Variants in SLC2A13 observed in about 807,000 individuals in gnomAD.
The protein encoded by SLC2A13 is proton myo-inositol cotransporter.
SLC2A13 carries 32 observed loss-of-function variants against 64.4 expected under a neutral mutation model. The ratio of observed to expected loss-of-function variants is 0.50; its 90% CI spans 0.37 to 0.67. SLC2A13 has a LOEUF of 0.67. SLC2A13 is among the 30% of genes least tolerant of loss of function. The probability of loss-of-function intolerance (pLI) is 0.00; values close to 1 mark genes in which losing one functional copy is unlikely to be tolerated. For synonymous variants in SLC2A13, 338 were observed against 327.1 expected (o/e 1.03, Z -0.36); for missense variants, 743 against 829.2 (o/e 0.90, Z 1.28).
chr12:39,862,340 AT>A (rs1943785335), intron 6 of SLC2A13, among the ~76,000 whole-genome samples: 1 of 152,162 alleles, frequency 6.6e-6, no homozygotes, highest in Admixed American at 6.5e-5. Context: ...TTCTTTAACC[AT>A]TTACTTTCTT....
chr12:39,812,384 TTCTTTC>T (rs1566819098), intron 7 of SLC2A13, among the ~76,000 whole-genome samples: 4 of 124,346 alleles, frequency 3.2e-5, no homozygotes, highest in Admixed American at 7.7e-5. Context: ...TTTCTTTTCT[TTCTTTC>T]TCTCTCTCTT....
At chr12:39,828,009 C>T (rs537096235) in intron 7 of SLC2A13, among the ~76,000 whole-genome samples, 14 of 152,160 alleles carry the variant, frequency 9.2e-5, no homozygotes, top group African/African-American at 3.4e-4. Flanking sequence ...TGACTTTGCC[C>T]TTAGAGTTCC....
chr12:39,809,431 G>A (rs1942077463), intron 7 of SLC2A13, among the ~76,000 whole-genome samples: 1 of 152,058 alleles, frequency 6.6e-6, no homozygotes, highest in Non-Finnish European at 1.5e-5. Context: ...ATTTTTTATA[G>A]AACTGTTTAT....
At chr12:40,084,798 T>A (rs1476431999) in intron 1 of SLC2A13, among the ~76,000 whole-genome samples, 2 of 152,226 alleles carry the variant, frequency 1.3e-5, no homozygotes, top group African/African-American at 4.8e-5. Flanking sequence ...TTTCATGGCA[T>A]ACAACTCCTA....
chr12:39,936,900 G>A (rs1945926997), intron 4 of SLC2A13, among the ~76,000 whole-genome samples: 1 of 152,140 alleles, frequency 6.6e-6, no homozygotes, highest in Admixed American at 6.5e-5. Flanking sequence ...TGGCAGAGGA[G>A]TTCTGACCTG....
intron 3 of SLC2A13, among the ~76,000 whole-genome samples, chr12:40,017,368 G>C (rs1947637366): frequency 6.6e-6 from 1 of 152,154 alleles, no homozygotes; most frequent in Non-Finnish European, 1.5e-5. Flanking sequence ...TCCAATATAA[G>C]ATTACTTCCA....
chr12:39,899,559 T>C (rs2136011842), intron 4 of SLC2A13, among the ~76,000 whole-genome samples: 1 of 152,300 alleles, frequency 6.6e-6, no homozygotes. Flanking sequence ...TCTAGTTCTT[T>C]CAATTGTGAT....
intron 6 of SLC2A13, among the ~76,000 whole-genome samples, chr12:39,856,858 A>G (rs1943622302): frequency 6.6e-6 from 1 of 152,216 alleles, no homozygotes; most frequent in Non-Finnish European, 1.5e-5. Context: ...AAACTTAATT[A>G]AAGAATAGTT....
rs1356349103 is a variant in SLC2A13, at chr12:40,068,057, C to T, written c.557-19847G>A. Among the ~76,000 whole-genome samples the T allele has an allele frequency of 2.6e-5, 4 of 152,148 alleles. No individual in the cohort carries two copies. In the South Asian group the frequency reaches 6.2e-4, roughly 24 times the overall value. Reference sequence around the variant, plus strand: ...TAGCTTGGGCAACGGGGAACCACTACCATGCCCAGCTATTTATTTTTCGTT... The same window carrying T: ...TAGCTTGGGCAACGGGGAACCACTATCATGCCCAGCTATTTATTTTTCGTT... On this transcript the variant is annotated intron_variant, in intron 1 of 9. Coordinates refer to ENST00000280871, the MANE Select transcript of SLC2A13 (RefSeq NM_052885.4).
intron 3 of SLC2A13, among the ~76,000 whole-genome samples, chr12:40,005,543 G>T (rs1419288560): frequency 6.6e-6 from 1 of 152,148 alleles, no homozygotes; most frequent in Non-Finnish European, 1.5e-5. Context: ...ATCTGAAGTG[G>T]TTCTCAAAGG....
chr12:40,065,388 C>T (rs1937680689), intron 1 of SLC2A13, among the ~76,000 whole-genome samples: 1 of 151,888 alleles, frequency 6.6e-6, no homozygotes, highest in South Asian at 2.1e-4. Flanking sequence ...TCCAGACCAG[C>T]CTGGGCAACA....
Position 39,795,210 on chromosome 12 carries a change from G to C in SLC2A13, c.1446-30352C>G, listed in dbSNP as rs188398372. On this transcript the variant is annotated intron_variant, in intron 7 of 9. Coordinates refer to ENST00000280871, the MANE Select transcript of SLC2A13 (RefSeq NM_052885.4). Reference sequence around the variant, plus strand: ...TCCCCCCACCTCTCTCTCTCTCTGTGTGTGTCACATCTTTTTTTTAATGTT... The same window carrying C: ...TCCCCCCACCTCTCTCTCTCTCTGTCTGTGTCACATCTTTTTTTTAATGTT... Among the ~76,000 whole-genome samples, 140 of 151,250 alleles carry C rather than the reference G, an allele frequency of 9.3e-4. 1 individual carries two copies. The highest frequency in any genetic ancestry group is 3.2e-3 in the African/African-American group (130 of 41,162).
intron 6 of SLC2A13, among the ~76,000 whole-genome samples, chr12:39,857,393 G>A (rs1015279476): frequency 1.3e-5 from 2 of 152,068 alleles, no homozygotes; most frequent in Admixed American, 6.5e-5. Flanking sequence ...TATTCCTCTT[G>A]CCCTAAGTAT....
chr12:40,004,802 C>T (rs945395434), intron 3 of SLC2A13, among the ~76,000 whole-genome samples: 2 of 151,738 alleles, frequency 1.3e-5, no homozygotes, highest in African/African-American at 4.8e-5. Context: ...GTCATATGTA[C>T]TATATACTGT....
intron 4 of SLC2A13, among the ~76,000 whole-genome samples, chr12:39,892,339 T>C (rs1335983126): frequency 6.6e-6 from 1 of 152,162 alleles, no homozygotes; most frequent in African/African-American, 2.4e-5. Flanking sequence ...TGTGTGTGTG[T>C]GTGTTTCTTT....
chr12:39,812,440 T>C (rs1016427498), intron 7 of SLC2A13, among the ~76,000 whole-genome samples: 3 of 150,882 alleles, frequency 2.0e-5, no homozygotes, highest in African/African-American at 7.4e-5. Flanking sequence ...CTTCCTTTTC[T>C]TTCTTCTCTT....
chr12:39,884,077 C>T (rs1441173270), intron 4 of SLC2A13, among the ~76,000 whole-genome samples: 1 of 152,124 alleles, frequency 6.6e-6, no homozygotes, highest in Non-Finnish European at 1.5e-5. Context: ...TGGAAAATGT[C>T]ATACATTGTA....
At position 40,028,466 on chromosome 12, in the gene SLC2A13, A is replaced by G; in HGVS notation, c.760T>C (p.Phe254Leu). The change falls in exon 3 of 10, where the codon TTT becomes CTT. Residue 254 changes from phenylalanine (F) to leucine (L), a missense_variant. Around this residue, in one of 2 missense-constraint regions of SLC2A13, gnomAD observed 448 missense variants for 447.4 expected, o/e 1.00. Transcript: ENST00000280871. ...CTTTCAGGCAAAAAGAGAAAGCCAA[A>G]AAACTGTATAACCGCCGGAACTGCT... is the stretch of plus-strand genomic sequence containing the variant. ...LAAVPAVIQF[F>L]GFLFLPESPR... The G allele has an allele frequency of 3.7e-6, 6 of 1,614,088 alleles. No individual in the cohort carries two copies. The highest frequency in any genetic ancestry group is 5.1e-6 in the Non-Finnish European group (6 of 1,179,968).
chr12:40,089,463 C>A (rs971041078), intron 1 of SLC2A13, among the ~76,000 whole-genome samples: 2 of 152,204 alleles, frequency 1.3e-5, no homozygotes, highest in Admixed American at 1.3e-4. Flanking sequence ...AATTCTCTGG[C>A]AGCTTTGATG....
Sources: allele counts gnomAD v4.1 joint callset (sites outside exome capture counted in the v4.1 genomes callset), GRCh38; gene constraint gnomAD v4.1.1; regional missense constraint gnomAD v4.1.1; transcripts MANE v1.5; gene names NCBI Gene and HGNC (gene_info 2026-07-23, HGNC 2026-07-21).